The following TRAPPC8 variants were observed in gnomAD, a reference collection of about 807,000 sequenced individuals.
TRAPPC8 encodes the protein trafficking protein particle complex subunit 8.
A neutral mutation model predicts 174.3 loss-of-function variants in TRAPPC8; 54 were observed. That is an observed-to-expected ratio of 0.31 (90% CI 0.25 to 0.39). The LOEUF (loss-of-function observed/expected upper bound fraction) is 0.39, where lower values mean the gene tolerates loss of function less well. Ranked by LOEUF, TRAPPC8 falls within the 10% of genes least tolerant of loss-of-function variation. The probability of loss-of-function intolerance (pLI) is 1.00; values close to 1 mark genes in which losing one functional copy is unlikely to be tolerated. For missense variants in TRAPPC8, 1,531 were observed against 1,699.1 expected (o/e 0.90, Z 1.74); for synonymous variants, 630 against 579.9 (o/e 1.09, Z -1.24).
At chr18:31,893,255 G>A (rs1175585892) in intron 11 of TRAPPC8, among the ~76,000 whole-genome samples, 2 of 152,094 alleles carry the variant, frequency 1.3e-5, no homozygotes, top group African/African-American at 2.4e-5. Flanking sequence ...TGACATGAAA[G>A]AGTTTATTCT....
intron 18 of TRAPPC8, among the ~76,000 whole-genome samples, chr18:31,865,342 C>A (rs1285856846): frequency 6.6e-6 from 1 of 151,904 alleles, no homozygotes; most frequent in Non-Finnish European, 1.5e-5. Context: ...TTCCCAAAAG[C>A]TTCCATGTAG....
chr18:31,849,676 T>C lies in TRAPPC8; in HGVS notation c.3625A>G (p.Lys1209Glu), dbSNP rs2033605247. 4.3e-6 allele frequency: 7 copies of C among 1,612,354 alleles called. 1 individual carries two copies. The highest frequency in any genetic ancestry group is 5.9e-6 in the Non-Finnish European group (7 of 1,179,176). ...TGCACAGGCAAGTGAGCTTGTGGTT[T>C]TTTCAATTCAGAAGATAAACTTCGA... ...FYRSLSSELK[K>E]PQAHLPVHTE... Residue 1209 changes from lysine (K) to glutamate (E), a missense_variant, in exon 25 of 29, where the codon AAA (lysine) becomes GAA (glutamate). Physicochemically the swap from Lys to Glu is moderately conservative, Grantham distance 56. Transcript: ENST00000283351.
intron 5 of TRAPPC8, among the ~76,000 whole-genome samples, chr18:31,911,311 G>A (rs942020696): frequency 2.0e-5 from 3 of 152,144 alleles, no homozygotes. Context: ...GAGGTCAGGA[G>A]TTCAAGACCA....
At chr18:31,876,131 G>A (rs1028313313) in intron 12 of TRAPPC8, among the ~76,000 whole-genome samples, 10 of 152,044 alleles carry the variant, frequency 6.6e-5, no homozygotes, top group East Asian at 1.9e-4. Flanking sequence ...AAATTATCAC[G>A]TATTATACCC....
chr18:31,877,087 G>A (rs935375962), intron 12 of TRAPPC8, among the ~76,000 whole-genome samples: 3 of 152,202 alleles, frequency 2.0e-5, no homozygotes, highest in Non-Finnish European at 2.9e-5. Context: ...CCTAGGGGAA[G>A]GGGGGACAGT....
rs755217293 is a variant in TRAPPC8, at chr18:31,916,311, T to C, written c.578A>G (p.Tyr193Cys). The change falls in exon 4 of 29, where the codon TAT becomes TGT. Residue 193 changes from tyrosine to cysteine, a missense_variant. Physicochemically the swap from Tyr to Cys is radical, Grantham distance 194 (BLOSUM62 -2). Coordinates refer to ENST00000283351, the MANE Select transcript of TRAPPC8 (RefSeq NM_014939.5). ...TGCACTTACATCATGTAAAAGTACATAGTATTTAAGTGTATTTGGTATAAA... is the reference window on the plus strand; with the variant it reads ...TGCACTTACATCATGTAAAAGTACACAGTATTTAAGTGTATTTGGTATAAA... Reference protein sequence around the residue: ...KWFIPNTLKYYVLLHDVSAGD... With the variant: ...KWFIPNTLKYCVLLHDVSAGD... The C allele has an allele frequency of 8.1e-6, 13 of 1,601,726 alleles. No individual in the cohort carries two copies. The highest frequency in any genetic ancestry group is 1.3e-5 in the African/African-American group (1 of 74,292).
At chr18:31,861,262 T>C (rs531063410) in intron 19 of TRAPPC8, among the ~76,000 whole-genome samples, 1 of 152,346 alleles carries the variant, frequency 6.6e-6, no homozygotes, top group South Asian at 2.1e-4. Context: ...ATTTTTGTTA[T>C]GTAGAATAAG....
Position 31,856,431 on chromosome 18 carries a change from T to G in TRAPPC8, c.3189-624A>C, listed in dbSNP as rs544889174. Among the ~76,000 whole-genome samples, 18 of 141,228 alleles carry G rather than the reference T, an allele frequency of 1.3e-4. 1 individual carries two copies. The South Asian group carries it at 4.6e-3, about 36-fold the overall frequency. The allele number at this position is 141,228 out of a possible 152,430, so 92.7% of individuals were successfully genotyped here. A position where few individuals can be genotyped will look rare whatever the true frequency, so the allele number is the denominator to read the frequency against. On this transcript the variant is annotated intron_variant, in intron 20 of 28. Coordinates refer to ENST00000283351, the MANE Select transcript of TRAPPC8 (RefSeq NM_014939.5). Reference sequence around the variant, plus strand: ...TCTTCATCAGCCATATTGGTCAGGCTGGTCTTGAACTCCTGACCTTAAGTG... The same window carrying G: ...TCTTCATCAGCCATATTGGTCAGGCGGGTCTTGAACTCCTGACCTTAAGTG...
chr18:31,839,449 T>C lies in TRAPPC8; in HGVS notation c.3846A>G (p.Pro1282=). 6.3e-7 allele frequency: 1 copy of C among 1,592,376 alleles called. No homozygotes were observed. Among genetic ancestry groups the C allele is most frequent in the Non-Finnish European group, 8.5e-7 (1 of 1,173,520 alleles). Residue 1282 remains proline (P), a synonymous_variant, in exon 27 of 29, where the codon CCA becomes CCG. Coordinates refer to ENST00000283351, the MANE Select transcript of TRAPPC8 (RefSeq NM_014939.5). ...AFSYPQKQEP[P]EMELLKFFRP... ...TGAAAAATTTCAATAGTTCCATTTC[T>C]GGTGGCTCCTGAGAAAAGAAAGAAA...
intron 2 of TRAPPC8, among the ~76,000 whole-genome samples, chr18:31,927,312 G>A (rs2037658398): frequency 6.6e-6 from 1 of 152,030 alleles, no homozygotes; most frequent in African/African-American, 2.4e-5. Context: ...GCCCAGGCTG[G>A]AGTGCAGTGG....
chr18:31,937,642 AAAAG>A (rs1454711960), intron 1 of TRAPPC8: 2 of 152,238 alleles, frequency 1.3e-5, no homozygotes, highest in Non-Finnish European at 2.9e-5. Flanking sequence ...AAAGAAAAGA[AAAAG>A]AAATTTAAGA....
At chr18:31,851,846 T>A (rs889732148) in intron 24 of TRAPPC8, among the ~76,000 whole-genome samples, 2 of 152,100 alleles carry the variant, frequency 1.3e-5, no homozygotes, top group African/African-American at 4.8e-5. Context: ...CTTTCCCTAA[T>A]AGAAAAGCTC....
chr18:31,876,650 G>A (rs1449266432), intron 12 of TRAPPC8, among the ~76,000 whole-genome samples: 1 of 152,108 alleles, frequency 6.6e-6, no homozygotes, highest in Non-Finnish European at 1.5e-5. Flanking sequence ...CTAGAGTGCA[G>A]GAAAGAAAAA....
chr18:31,935,634 G>C (rs966362422), intron 1 of TRAPPC8, among the ~76,000 whole-genome samples: 2 of 150,330 alleles, frequency 1.3e-5, no homozygotes, highest in Non-Finnish European at 2.9e-5. Context: ...CCCAGTGAGT[G>C]CCTCAAGCCT....
chr18:31,934,768 G>A (rs2038006882), intron 1 of TRAPPC8, among the ~76,000 whole-genome samples: 1 of 151,668 alleles, frequency 6.6e-6, no homozygotes. Context: ...TCTGGAGGCT[G>A]AGGCAGGAGA....
intron 21 of TRAPPC8, 61 bp downstream of exon 21, chr18:31,855,599 A>G (rs1322304252): frequency 1.1e-5 from 17 of 1,481,098 alleles, no homozygotes; most frequent in African/African-American, 7.1e-5. Flanking sequence ...AACCACTACT[A>G]AACACAAGGG....
At chr18:31,940,404 G>A (rs2038280762) in intron 1 of TRAPPC8, among the ~76,000 whole-genome samples, 1 of 152,142 alleles carries the variant, frequency 6.6e-6, no homozygotes, top group Non-Finnish European at 1.5e-5. Context: ...GGCAGAGGTT[G>A]TAGTGAGCCA....
At chr18:31,883,224 GA>G (rs397858732) in intron 12 of TRAPPC8, 39,498 of 96,556 alleles carry the variant, frequency 0.41, 5,984 homozygotes, top group Middle Eastern at 0.58. Context: ...CTTCATCTCA[GA>G]AAAAAAAAAA....
chr18:31,857,505 T>C (rs748993192), intron 20 of TRAPPC8, 35 bp downstream of exon 20: 59 of 1,501,464 alleles, frequency 3.9e-5, no homozygotes, highest in East Asian at 9.2e-5. Context: ...ACATTGAACA[T>C]AGATGTTAAA....
Sources: gnomAD v4.1 joint callset for allele counts (sites outside exome capture counted in the v4.1 genomes callset) on GRCh38, gnomAD v4.1.1 for gene constraint, MANE v1.5 for transcripts, NCBI Gene and HGNC (gene_info 2026-07-23, HGNC 2026-07-21) for gene names.